Variants in FREM3 observed in about 807,000 individuals in gnomAD.
FREM3 encodes FRAS1 related extracellular matrix 3, also known as FRAS1-related extracellular matrix protein 3.
In FREM3, 105 loss-of-function variants were observed where a neutral mutation model predicts 129.1. The ratio of observed to expected loss-of-function variants is 0.81; its 90% CI spans 0.69 to 0.96. The LOEUF (loss-of-function observed/expected upper bound fraction) is 0.96. Ranked by LOEUF, FREM3 falls within the 40% of genes least tolerant of loss-of-function variation. The pLI, the probability that FREM3 is intolerant of heterozygous loss-of-function variation, is 0.00. For synonymous variants in FREM3, 1,014 were observed against 1,044.9 expected (o/e 0.97, Z 0.57); for missense variants, 2,593 against 2,666.3 (o/e 0.97, Z 0.61).
chr4:143,625,973 T>C (rs973203752), intron 3 of FREM3, among the ~76,000 whole-genome samples: 5 of 152,134 alleles, frequency 3.3e-5, no homozygotes, highest in Non-Finnish European at 2.9e-5. Context: ...ACTGAACTCT[T>C]TTGAAAGTCA....
intron 2 of FREM3, among the ~76,000 whole-genome samples, chr4:143,647,331 A>G (rs1020564322): frequency 6.6e-6 from 1 of 152,230 alleles, no homozygotes; most frequent in Non-Finnish European, 1.5e-5. Context: ...ATAGAAAAGA[A>G]AAATCTGTTT....
At chr4:143,692,198 G>A (rs1276382280) in intron 2 of FREM3, among the ~76,000 whole-genome samples, 3 of 152,060 alleles carry the variant, frequency 2.0e-5, no homozygotes, top group Non-Finnish European at 4.4e-5. Context: ...TTTGACATAG[G>A]TATGAAGACC....
chr4:143,621,754 G>A (rs542360661), intron 4 of FREM3, among the ~76,000 whole-genome samples: 47 of 152,260 alleles, frequency 3.1e-4, no homozygotes, highest in African/African-American at 1.1e-3. Context: ...GTGTGTGTGT[G>A]CATACACCTA....
At chr4:143,657,248 T>C (rs1739618500) in intron 2 of FREM3, among the ~76,000 whole-genome samples, 1 of 152,270 alleles carries the variant, frequency 6.6e-6, no homozygotes, top group African/African-American at 2.4e-5. Context: ...TAATAGTTTC[T>C]CAGAAAGCCT....
chr4:143,613,856 A>G (rs1738800750), intron 5 of FREM3, among the ~76,000 whole-genome samples: 1 of 152,224 alleles, frequency 6.6e-6, no homozygotes, highest in Non-Finnish European at 1.5e-5. Flanking sequence ...AGTAACTAAC[A>G]CTATCTTCAC....
Position 143,585,086 on chromosome 4 carries a change from CA to C in FREM3, c.6178+757del, listed in dbSNP as rs890221341. Among the ~76,000 whole-genome samples the C allele has an allele frequency of 6.6e-5, 10 of 152,082 alleles. No individual in the cohort carries two copies. The highest frequency in any genetic ancestry group is 1.5e-4 in the Non-Finnish European group (10 of 67,996). ...GAAATTTTTTTGAAACTAATGAGAA[CA>C]AAGATACAACATACCAGAACTTCTG... On this transcript the variant is annotated intron_variant, in intron 7 of 7. Coordinates refer to ENST00000329798, the MANE Select transcript of FREM3 (RefSeq NM_001168235.2). The surrounding 1 kb of genome is among the most constrained non-coding windows in gnomAD (Gnocchi z 4.2).
In FREM3 at chr4:143,611,578, A is replaced by G. The variant is rs1738756242; in HGVS notation, c.5780-51T>C. On this transcript the variant is annotated intron_variant, in intron 5 of 7. Transcript: ENST00000329798. ...GAGGTTAAGAAGAAATGGAATTCCA[A>G]ACAAGAAGCCTGTCTGTTTTCTTTA... 3.3e-6 allele frequency: 5 copies of G among 1,494,522 alleles called. No homozygotes were observed. The African/African-American group carries it at 4.2e-5, about 13-fold the overall frequency. 92.6% of individuals were successfully genotyped at this position (1,494,522 alleles called of 1,614,324 possible).
At chr4:143,661,219 T>A (rs1477340627) in intron 2 of FREM3, among the ~76,000 whole-genome samples, 3 of 152,164 alleles carry the variant, frequency 2.0e-5, no homozygotes, top group African/African-American at 7.2e-5. Context: ...TGGCTGTGGG[T>A]TTGTCATAGA....
rs1459591493 is a variant in FREM3 at position 143,695,520 on chromosome 4, C to T, written c.5156G>A (p.Gly1719Glu). Residue 1719 changes from glycine to glutamate, a missense_variant, in exon 1 of 8, where the codon GGA (glycine) becomes GAA (glutamate). Transcript: ENST00000329798. ...EHGFIIKTGL[G>E]NQSTRVFTQA... is the part of the protein sequence containing the mutation. ...TGTAAACACTCGAGTGCTCTGGTTT[C>T]CAAGGCCAGTTTTGATAATGAAGCC... 1.3e-6 allele frequency: 2 copies of T among 1,537,474 alleles called. No individual in the cohort carries two copies. Among genetic ancestry groups the T allele is most frequent in the Admixed American group, 2.0e-5 (1 of 50,996 alleles).
intron 2 of FREM3, among the ~76,000 whole-genome samples, chr4:143,652,410 C>T (rs1457506003): frequency 2.5e-5 from 1 of 39,910 alleles, no homozygotes; most frequent in Non-Finnish European, 7.8e-5. Flanking sequence ...GATCCACCCG[C>T]CTCGGCCTCC....
chr4:143,591,235 C>T (rs920259784), intron 6 of FREM3, among the ~76,000 whole-genome samples: 3 of 152,116 alleles, frequency 2.0e-5, no homozygotes, highest in Non-Finnish European at 2.9e-5. Context: ...GTGTCTCTAT[C>T]TCCTTCAGTT....
rs878881398 is a variant in FREM3, at chr4:143,699,451, C to G, written c.1225G>C (p.Val409Leu). The change falls in exon 1 of 8, where the codon GTG becomes CTG. Residue 409 changes from valine (V) to leucine (L), a missense_variant. Physicochemically the swap from Val to Leu is conservative, Grantham distance 32. Around this residue, in one of 2 missense-constraint regions of FREM3, gnomAD observed 2,276 missense variants for 2,267.2 expected, o/e 1.00. Transcript: ENST00000329798. The surrounding 1 kb of genome is among the most constrained non-coding windows in gnomAD (Gnocchi z 4.2). ...TCTGAGGCGGCGCCGTCTCCGTCCACCACCTCCAGCTCCAGCTGAAAGAGG... is the reference window on the plus strand; with the variant it reads ...TCTGAGGCGGCGCCGTCTCCGTCCAGCACCTCCAGCTCCAGCTGAAAGAGG... ...ERLFQLELEVVDGDGAASDPF... is the reference protein window; with the variant it reads ...ERLFQLELEVLDGDGAASDPF... 4 of 1,537,196 alleles carry G rather than the reference C, an allele frequency of 2.6e-6. No individual in the cohort carries two copies. The Admixed American group carries it at 7.8e-5, about 30-fold the overall frequency.
chr4:143,663,522 T>C (rs1181236706), intron 2 of FREM3, among the ~76,000 whole-genome samples: 2 of 152,142 alleles, frequency 1.3e-5, no homozygotes, highest in Non-Finnish European at 2.9e-5. Context: ...TAACATTTTT[T>C]CCTTCATTTC....
Position 143,624,329 on chromosome 4 carries a change from G to A in FREM3, c.5432C>T (p.Thr1811Ile). 2 of 1,529,696 alleles carry A rather than the reference G, an allele frequency of 1.3e-6. No individual in the cohort carries two copies. The highest frequency in any genetic ancestry group is 1.8e-6 in the Non-Finnish European group (2 of 1,140,426). 94.8% of individuals were successfully genotyped at this position (1,529,696 alleles called of 1,614,324 possible). The change falls in exon 4 of 8, where the codon ACC becomes ATC. Residue 1811 changes from threonine to isoleucine, a missense_variant. Physicochemically the swap from Thr to Ile is moderately conservative, Grantham distance 89. Transcript: ENST00000329798. ...LGETSFISIG[T>I]KDETAKKDKD... Reference sequence around the variant, plus strand: ...GTCTTTTTTTGCAGTTTCATCTTTGGTACCAATGCCTGAATAAAAATCAGA... The same window carrying A: ...GTCTTTTTTTGCAGTTTCATCTTTGATACCAATGCCTGAATAAAAATCAGA...
At chr4:143,581,678 T>C (rs915948644) in intron 7 of FREM3, among the ~76,000 whole-genome samples, 1 of 152,098 alleles carries the variant, frequency 6.6e-6, no homozygotes, top group African/African-American at 2.4e-5. Context: ...AGTTGCCATA[T>C]GGACAGGAGC....
intron 6 of FREM3, among the ~76,000 whole-genome samples, chr4:143,603,262 A>G (rs1738604880): frequency 6.6e-6 from 1 of 152,180 alleles, no homozygotes; most frequent in Admixed American, 6.5e-5. Flanking sequence ...CATGGCTGGA[A>G]GACATCTAGG....
chr4:143,583,787 C>T (rs1294722876), intron 7 of FREM3, among the ~76,000 whole-genome samples: 1 of 152,112 alleles, frequency 6.6e-6, no homozygotes, highest in African/African-American at 2.4e-5. Context: ...CCAGACCTGC[C>T]TTACAAGAGG....
chr4:143,585,860 C>T lies in FREM3; in HGVS notation c.6162G>A (p.Glu2054=). 2 of 1,537,278 alleles carry T rather than the reference C, an allele frequency of 1.3e-6. No homozygotes were observed. Among genetic ancestry groups the T allele is most frequent in the Non-Finnish European group, 1.7e-6 (2 of 1,146,918 alleles). ...CCCTCTCACCTTCTGCTGACTCCTG[C>T]TCTGACTTTCTGGAGCGCACGGCGA... The part of the protein sequence containing the change: ...SSIAVRSRKS[E]QESAEAGTDY... Residue 2054 remains glutamate (E), a synonymous_variant, in exon 7 of 8, where the codon GAG becomes GAA. Coordinates refer to ENST00000329798, the MANE Select transcript of FREM3 (RefSeq NM_001168235.2). This position sits in a 1 kb window ranked among gnomAD's most constrained non-coding sequence, Gnocchi z 4.2.
intron 2 of FREM3, among the ~76,000 whole-genome samples, chr4:143,678,831 A>T (rs1029846936): frequency 7.2e-5 from 11 of 152,278 alleles, no homozygotes; most frequent in Non-Finnish European, 1.2e-4. Flanking sequence ...CAGCTTAGGT[A>T]AATCCATTTG....
Sources: gnomAD v4.1 joint callset for allele counts (sites outside exome capture counted in the v4.1 genomes callset) on GRCh38, gnomAD v4.1.1 for gene constraint, gnomAD v4.1.1 regional missense constraint, Gnocchi (gnomAD v3.1) non-coding constraint, MANE v1.5 for transcripts, NCBI Gene and HGNC (gene_info 2026-07-23, HGNC 2026-07-21) for gene names.